Variants in GPATCH2L observed in about 807,000 individuals in gnomAD.
The protein encoded by GPATCH2L is G-patch domain containing 2 like, also known as G patch domain-containing protein 2-like.
A neutral mutation model predicts 57.4 loss-of-function variants in GPATCH2L; 31 were observed. The ratio of observed to expected loss-of-function variants is 0.54; its 90% CI spans 0.41 to 0.73. The LOEUF (loss-of-function observed/expected upper bound fraction) is 0.73, where lower values mean the gene tolerates loss of function less well. Among genes scored for constraint, GPATCH2L ranks in the 30% least tolerant of loss-of-function variants. GPATCH2L has a pLI of 0.00. For missense variants in GPATCH2L, 481 were observed against 599.9 expected, an observed-to-expected ratio of 0.80 and a Z score of 2.07; for synonymous variants, 199 against 210.7, an observed-to-expected ratio of 0.94 and a Z score of 0.48.
intron 2 of GPATCH2L, among the ~76,000 whole-genome samples, chr14:76,155,447 C>T (rs943243343): frequency 6.6e-6 from 1 of 152,154 alleles, no homozygotes; most frequent in East Asian, 1.9e-4. Context: ...CATTAAGTTG[C>T]CTGTCCTCAT....
Position 76,180,834 on chromosome 14 carries a change from C to T in GPATCH2L, c.1178C>T (p.Ala393Val). 6.2e-7 allele frequency: 1 copy of T among 1,607,778 alleles called. No homozygotes were observed. Among genetic ancestry groups the T allele is most frequent in the Non-Finnish European group, 8.5e-7 (1 of 1,174,162 alleles). The change falls in exon 8 of 10, where the codon GCA becomes GTA. Residue 393 changes from alanine (A) to valine (V), a missense_variant. By Grantham distance (64) the Ala-to-Val change is moderately conservative. Transcript: ENST00000261530. ...GCTTCTCACCGAAGGTGTTCACCAG[C>T]ACACTGCTCTGCCAGGTAATTGTCT... ...ADASHRRCSP[A>V]HCSARQANVH...
chr14:76,186,878 A>G (rs2039785707), intron 8 of GPATCH2L, among the ~76,000 whole-genome samples: 1 of 152,074 alleles, frequency 6.6e-6, no homozygotes, highest in African/African-American at 2.4e-5. Flanking sequence ...CAGCTAAGGG[A>G]ATTAGATTAG....
chr14:76,166,519 T>C (rs762509045), intron 2 of GPATCH2L, 144 bp from the exon 3 acceptor site: 3 of 527,910 alleles, frequency 5.7e-6, no homozygotes, highest in Non-Finnish European at 1.1e-5. Context: ...AAATAAAACT[T>C]TGTAGCTTCC....
chr14:76,173,375 T>C (rs142163536), intron 4 of GPATCH2L, among the ~76,000 whole-genome samples, 171 bp from the exon 5 acceptor site: 63 of 152,250 alleles, frequency 4.1e-4, no homozygotes, highest in Non-Finnish European at 5.3e-4. Flanking sequence ...GTGATCATAC[T>C]GCTAGTGACA....
At chr14:76,152,572 T>G (rs2038101682) in intron 1 of GPATCH2L, 2 of 443,484 alleles carry the variant, frequency 4.5e-6, no homozygotes, top group East Asian at 7.0e-5. Flanking sequence ...CAGCCTCATC[T>G]CTGCCCGGGT....
At chr14:76,194,049 T>C (rs2040068987) in intron 8 of GPATCH2L, among the ~76,000 whole-genome samples, 1 of 152,120 alleles carries the variant, frequency 6.6e-6, no homozygotes, top group Non-Finnish European at 1.5e-5. Context: ...TTTCTGCTTG[T>C]GTCTGGACTT....
At position 76,176,663 on chromosome 14, in the gene GPATCH2L, A is replaced by G. The variant is rs751112415; in HGVS notation, c.1025A>G (p.His342Arg). The change falls in exon 6 of 10, where the codon CAT (histidine) becomes CGT (arginine). Residue 342 changes from histidine (H) to arginine (R), a missense_variant. His to Arg is a conservative substitution (Grantham distance 29). This residue lies in a region of GPATCH2L where 248 missense variants were observed against 270.5 expected (regional missense o/e 0.92). Coordinates refer to ENST00000261530, the MANE Select transcript of GPATCH2L (RefSeq NM_017926.4). ...INTLGTERIS[H>R]IISDPRQKEK... The stretch of plus-strand genomic sequence containing the variant: ...ACTTTGGGGACTGAGAGGATAAGCC[A>G]TATCATTAGTGACCCTCGGCAGAAA... 5.6e-6 allele frequency: 9 copies of G among 1,611,228 alleles called. No homozygotes were observed. Among genetic ancestry groups the G allele is most frequent in the South Asian group, 5.5e-5 (5 of 91,034 alleles).
chr14:76,232,829 G>A lies in GPATCH2L; in HGVS notation c.*117+2876G>A, dbSNP rs139526522. Among the ~76,000 whole-genome samples, 200 of 152,256 alleles carry A rather than the reference G, an allele frequency of 1.3e-3. 1 individual carries two copies. Among genetic ancestry groups the A allele is most frequent in the African/African-American group, 4.5e-3 (185 of 41,532 alleles). On this transcript the variant is annotated intron_variant and NMD_transcript_variant, in intron 2 of 3. Coordinates refer to the GPATCH2L transcript ENST00000556372. ...TATTGGCAACCAGGGAAGCTCACTC[G>A]AGCCTTGGCATCCTGAGTTTTTGTT...
chr14:76,223,055 C>A (rs1235688674), intron 1 of GPATCH2L, among the ~76,000 whole-genome samples: 2 of 151,782 alleles, frequency 1.3e-5, no homozygotes, highest in Non-Finnish European at 2.9e-5. Flanking sequence ...CCAGCAAATT[C>A]TTTTAAACAT....
At chr14:76,229,022 C>T (rs941877177) in intron 1 of GPATCH2L, among the ~76,000 whole-genome samples, 24 of 152,168 alleles carry the variant, frequency 1.6e-4, no homozygotes, top group African/African-American at 5.1e-4. Context: ...GTCATGTGGC[C>T]GCTTCCATCT....
At chr14:76,166,852 A>T in intron 3 of GPATCH2L, 125 bp downstream of exon 3, 1 of 718,794 alleles carries the variant, frequency 1.4e-6, no homozygotes, top group Non-Finnish European at 2.5e-6. Context: ...TTTAAGGCAT[A>T]TGAGAGTCAC....
intron 5 of GPATCH2L, chr14:76,174,490 T>C (rs2039233541): frequency 6.6e-6 from 1 of 152,238 alleles, no homozygotes; most frequent in Non-Finnish European, 1.5e-5. Context: ...TGTGCCACAG[T>C]CTGGCTTCCC....
At chr14:76,201,414 G>C (rs750120956) in intron 9 of GPATCH2L, among the ~76,000 whole-genome samples, 16 of 152,144 alleles carry the variant, frequency 1.1e-4, no homozygotes, top group Non-Finnish European at 1.9e-4. Flanking sequence ...ACATAAGTAC[G>C]TAATAAGTGA....
chr14:76,231,710 T>C (rs956226877), intron 2 of GPATCH2L, among the ~76,000 whole-genome samples: 1 of 151,860 alleles, frequency 6.6e-6, no homozygotes, highest in African/African-American at 2.4e-5. Flanking sequence ...TTGAAAAATA[T>C]ACAGAAGTAG....
chr14:76,174,288 T>G (rs1222683786), intron 5 of GPATCH2L: 1 of 152,212 alleles, frequency 6.6e-6, no homozygotes, highest in Non-Finnish European at 1.5e-5. Context: ...CAGGTCTACT[T>G]TTATCTTTTT....
At chr14:76,192,242 A>G (rs2039999759) in intron 8 of GPATCH2L, among the ~76,000 whole-genome samples, 1 of 151,840 alleles carries the variant, frequency 6.6e-6, no homozygotes, top group South Asian at 2.1e-4. Context: ...CACATAGAAA[A>G]ATAGATTTTC....
downstream of GPATCH2L, among the ~76,000 whole-genome samples, chr14:76,215,594 TGAG>T (rs1457368323): frequency 7.3e-5 from 11 of 151,640 alleles, no homozygotes; most frequent in Admixed American, 5.9e-4. Context: ...CCATAAAAAA[TGAG>T]GAGTTCATGT....
At chr14:76,193,398 A>G (rs1042888635) in intron 8 of GPATCH2L, among the ~76,000 whole-genome samples, 3 of 152,146 alleles carry the variant, frequency 2.0e-5, no homozygotes, top group Non-Finnish European at 4.4e-5. Flanking sequence ...TGTGTAGTTC[A>G]GCTCAAGTTG....
At chr14:76,199,177 A>T (rs1334879833) in intron 9 of GPATCH2L, among the ~76,000 whole-genome samples, 1 of 152,234 alleles carries the variant, frequency 6.6e-6, no homozygotes, top group African/African-American at 2.4e-5. Flanking sequence ...ATTTTCTTTT[A>T]TAAAAGGTTT....
Sources: allele counts gnomAD v4.1 joint callset (sites outside exome capture counted in the v4.1 genomes callset), GRCh38; gene constraint gnomAD v4.1.1; regional missense constraint gnomAD v4.1.1; transcripts MANE v1.5; gene names NCBI Gene and HGNC (gene_info 2026-07-23, HGNC 2026-07-21).